Variants in OPHN1 observed in about 807,000 individuals in gnomAD.
OPHN1 encodes the protein oligophrenin-1.
OPHN1 carries 11 observed loss-of-function variants against 60.7 expected under a neutral mutation model. That is an observed-to-expected ratio of 0.18 (90% confidence interval 0.11 to 0.30). The LOEUF is 0.30. Among genes scored for constraint, OPHN1 ranks in the 10% least tolerant of loss-of-function variants. OPHN1 has a pLI of 1.00. For missense variants in OPHN1, 449 were observed against 611.0 expected (o/e 0.73, Z 2.80); for synonymous variants, 226 against 222.6 (o/e 1.02, Z -0.14).
chrX:68,230,485 T>G (rs1384617671), intron 6 of OPHN1, among the ~76,000 whole-genome samples: 2 of 110,305 alleles, frequency 1.8e-5, no homozygotes, highest in Non-Finnish European at 3.8e-5. Flanking sequence ...TGTGGCACTA[T>G]TCACAATAGC....
chrX:68,157,840 A>C (rs772515171), intron 15 of OPHN1, among the ~76,000 whole-genome samples: 1 of 113,164 alleles, frequency 8.8e-6, no homozygotes, highest in Non-Finnish European at 1.9e-5. Flanking sequence ...TAACGATGGC[A>C]AAGAAAGGAT....
rs184947976 is a variant in OPHN1 at position 68,424,683 on chromosome X, T to C, written c.154+8184A>G. ...GTTCCTTCATCACTCTAGAGTCTGA[T>C]TGGAAAACTTTTCTTAACAGGCAAG... On this transcript the variant is annotated intron_variant, in intron 2 of 24. Coordinates refer to ENST00000355520, the MANE Select transcript of OPHN1 (RefSeq NM_002547.3). Among the ~76,000 whole-genome samples the C allele has an allele frequency of 4.4e-3, 497 of 111,961 alleles. 2 individuals carry two copies. Among genetic ancestry groups the C allele is most frequent in the African/African-American group, 0.015 (477 of 30,856 alleles).
intron 15 of OPHN1, among the ~76,000 whole-genome samples, chrX:68,154,723 C>T (rs1442967627): frequency 9.0e-6 from 1 of 111,313 alleles, no homozygotes; most frequent in Non-Finnish European, 1.9e-5. Flanking sequence ...CAGGTCAATA[C>T]GTCTATGTAT....
chrX:68,128,695 C>T (rs998447634), intron 15 of OPHN1, among the ~76,000 whole-genome samples: 3 of 111,919 alleles, frequency 2.7e-5, no homozygotes, highest in Non-Finnish European at 5.6e-5. Flanking sequence ...AAAATGCCAA[C>T]AAGCTAATTT....
intron 21 of OPHN1, among the ~76,000 whole-genome samples, chrX:68,063,162 A>G (rs2147358844): frequency 9.1e-6 from 1 of 110,461 alleles, no homozygotes; most frequent in Admixed American, 9.7e-5. Flanking sequence ...TTGGCAAGTC[A>G]CTTATCTACA....
At chrX:68,312,252 AT>A (rs1238021221) in intron 2 of OPHN1, among the ~76,000 whole-genome samples, 8,312 of 69,926 alleles carry the variant, frequency 0.12, 370 homozygotes, top group African/African-American at 0.24. Context: ...GGCTCGGCTA[AT>A]TTTTTTTTTT....
chrX:68,407,104 T>C (rs758149021), intron 2 of OPHN1, among the ~76,000 whole-genome samples: 1 of 112,611 alleles, frequency 8.9e-6, no homozygotes, highest in East Asian at 2.8e-4. Context: ...CTCAGGAGGC[T>C]GAGGCAGGAG....
At chrX:68,293,300 G>A (rs1390007393) in intron 3 of OPHN1, among the ~76,000 whole-genome samples, 1 of 111,883 alleles carries the variant, frequency 8.9e-6, no homozygotes, top group Non-Finnish European at 1.9e-5. Context: ...CAACCAAGAG[G>A]TTTATGATCT....
intron 2 of OPHN1, among the ~76,000 whole-genome samples, chrX:68,308,878 C>G (rs2078159480): frequency 9.1e-6 from 1 of 109,622 alleles, no homozygotes; most frequent in Non-Finnish European, 1.9e-5. Flanking sequence ...CTCCTGGGCT[C>G]AAGTGATCCT....
intron 5 of OPHN1, among the ~76,000 whole-genome samples, chrX:68,253,973 G>A (rs1224917132): frequency 8.9e-6 from 1 of 112,033 alleles, no homozygotes; most frequent in Non-Finnish European, 1.9e-5. Context: ...CGTCTAGGGG[G>A]TAACGGCACA....
chrX:68,360,843 A>G (rs761874716), intron 2 of OPHN1, among the ~76,000 whole-genome samples: 2 of 111,233 alleles, frequency 1.8e-5, no homozygotes, highest in South Asian at 7.6e-4. Flanking sequence ...ACAGATGACC[A>G]TTTGCTTAAA....
intron 19 of OPHN1, among the ~76,000 whole-genome samples, chrX:68,082,345 T>TA (rs1365997618): frequency 8.9e-6 from 1 of 112,614 alleles, no homozygotes; most frequent in African/African-American, 3.2e-5. Flanking sequence ...GTTTTAAATT[T>TA]ACTTTGCCCA....
intron 5 of OPHN1, among the ~76,000 whole-genome samples, chrX:68,235,251 A>T (rs2077747077): frequency 8.9e-6 from 1 of 112,146 alleles, no homozygotes; most frequent in Non-Finnish European, 1.9e-5. Flanking sequence ...TACTCAGCAC[A>T]ACTGGAAGAA....
chrX:68,250,024 A>T (rs2077825574), intron 5 of OPHN1, among the ~76,000 whole-genome samples: 1 of 112,346 alleles, frequency 8.9e-6, no homozygotes, highest in Non-Finnish European at 1.9e-5. Flanking sequence ...GTAAGGATAA[A>T]TGTGGAAAAA....
intron 15 of OPHN1, among the ~76,000 whole-genome samples, chrX:68,121,643 G>A (rs763237478): frequency 2.7e-5 from 3 of 109,795 alleles, no homozygotes; most frequent in East Asian, 5.8e-4. Context: ...TCCTAGTGTT[G>A]AACTGGGCTC....
chrX:68,357,521 C>T (rs1000338014), intron 2 of OPHN1, among the ~76,000 whole-genome samples: 3 of 108,715 alleles, frequency 2.8e-5, no homozygotes, highest in Admixed American at 2.0e-4. Context: ...TTTGTCCTTG[C>T]GATAGTTTGC....
At position 68,334,369 on chromosome X, in the gene OPHN1, C is replaced by T. The variant is rs771637953; in HGVS notation, c.155-35273G>A. Among the ~76,000 whole-genome samples, 3 of 111,970 alleles carry T rather than the reference C, an allele frequency of 2.7e-5. No individual in the cohort carries two copies. The East Asian group carries it at 8.4e-4, about 31-fold the overall frequency. On this transcript the variant is annotated intron_variant, in intron 2 of 24. Transcript: ENST00000355520. ...AGTGTAAGAGCTAAGTGTTAACATG[C>T]TTTAGCTACTGATATGACAGGACAA... is the stretch of plus-strand genomic sequence containing the variant.
In OPHN1 at chrX:68,286,226, C is replaced by T. The variant is rs2078040837; in HGVS notation, c.251-3109G>A. Among the ~76,000 whole-genome samples the T allele has an allele frequency of 6.3e-5, 7 of 111,802 alleles. No individual in the cohort carries two copies. The South Asian group carries it at 2.6e-3, about 42-fold the overall frequency. On this transcript the variant is annotated intron_variant, in intron 3 of 24. Transcript: ENST00000355520. ...GTTACATTGGCTTCATGGACTCATT[C>T]TATAGTCTGCATTCTTTGTCATATG...
intron 6 of OPHN1, among the ~76,000 whole-genome samples, chrX:68,230,187 A>T (rs1364543500): frequency 1.8e-5 from 2 of 111,910 alleles, no homozygotes; most frequent in African/African-American, 6.5e-5. Context: ...TGGTCATCAG[A>T]GAAATGCAAA....
Sources: gnomAD v4.1 joint callset for allele counts (sites outside exome capture counted in the v4.1 genomes callset) on GRCh38, gnomAD v4.1.1 for gene constraint, MANE v1.5 for transcripts, NCBI Gene and HGNC (gene_info 2026-07-23, HGNC 2026-07-21) for gene names.